Variants in ABCA6 observed in about 807,000 individuals in gnomAD.
The protein encoded by ABCA6 is ATP binding cassette subfamily A member 6, also known as ATP-binding cassette sub-family A member 6.
In ABCA6, 164 loss-of-function variants were observed where a neutral mutation model predicts 191.2. The observed-to-expected ratio is 0.86, with a 90% CI of 0.76 to 0.98. The LOEUF (loss-of-function observed/expected upper bound fraction) is 0.98, where lower values mean the gene tolerates loss of function less well. Among genes scored for constraint, ABCA6 ranks in the 50% least tolerant of loss-of-function variants. The pLI, the probability that ABCA6 is intolerant of heterozygous loss-of-function variation, is 0.00. For missense variants in ABCA6, 1,958 were observed against 1,894.1 expected (o/e 1.03, Z -0.63); for synonymous variants, 636 against 647.7 (o/e 0.98, Z 0.27).
Position 69,133,687 on chromosome 17 carries a change from ACT to A in ABCA6, c.743_744del (p.Lys248IlefsTer2). ...CCCATCATTTTCATCAAATTCTTAG[ACT>A]TTTTTCTCTCTTTTGTTACATTGAG... Reference protein sequence around the residue: ...ISLNVTKERKKSKNLMKMMGL... With the variant: ...ISLNVTKERKXSKNLMKMMGL... On this transcript the variant is annotated frameshift_variant, in exon 6 of 39. Transcript: ENST00000284425. LOFTEE classifies it high-confidence loss of function. 2 of 1,607,184 alleles carry A rather than the reference ACT, an allele frequency of 1.2e-6. No individual in the cohort carries two copies. Among genetic ancestry groups the A allele is most frequent in the Non-Finnish European group, 1.7e-6 (2 of 1,175,086 alleles).
intron 36 of ABCA6, among the ~76,000 whole-genome samples, chr17:69,082,171 T>C (rs1054576826): frequency 6.7e-6 from 1 of 148,600 alleles, no homozygotes; most frequent in Non-Finnish European, 1.5e-5. Context: ...TGTTCTGATA[T>C]CTATCTTAGA....
At chr17:69,097,024 C>T (rs1229991918) in intron 23 of ABCA6, among the ~76,000 whole-genome samples, 1 of 152,094 alleles carries the variant, frequency 6.6e-6, no homozygotes, top group African/African-American at 2.4e-5. Context: ...CTGTGATAGG[C>T]CTGACTCATA....
At chr17:69,114,732 A>T in intron 13 of ABCA6, 30 bp downstream of exon 13, 1 of 1,572,024 alleles carries the variant, frequency 6.4e-7, no homozygotes, top group Non-Finnish European at 8.6e-7. Context: ...AGTGGTTGGC[A>T]GGTCAGTTAA....
In ABCA6 at chr17:69,106,185, CTCT is replaced by C. The variant is rs1259456952; in HGVS notation, c.2413_2415del (p.Arg805del). On this transcript the variant is annotated inframe_deletion, in exon 19 of 39. Coordinates refer to ENST00000284425, the MANE Select transcript of ABCA6 (RefSeq NM_080284.3). ...TCCATTTCATTGAGGCTTTCTGAGTCTCTTATCATCTCCACTTGTTCGAAATCT... is the reference window on the plus strand; with the variant it reads ...TCCATTTCATTGAGGCTTTCTGAGTCTATCATCTCCACTTGTTCGAAATCT... 1 of 1,612,382 alleles carries C rather than the reference CTCT, an allele frequency of 6.2e-7. No homozygotes were observed.
chr17:69,123,321 C>T lies in ABCA6; in HGVS notation c.1354G>A (p.Glu452Lys). 2 of 1,578,130 alleles carry T rather than the reference C, an allele frequency of 1.3e-6. No individual in the cohort carries two copies. The highest frequency in any genetic ancestry group is 2.3e-5 in the East Asian group (1 of 44,136). Residue 452 changes from glutamate to lysine, a missense_variant, in exon 10 of 39, where the codon GAG (glutamate) becomes AAG (lysine). Physicochemically the swap from Glu to Lys is moderately conservative, Grantham distance 56 (BLOSUM62 1). Transcript: ENST00000284425. ...GGATGCTCAGCATCGATTTCTTTCT[C>T]AATAACCTTAGCATTAGTCCTTTGG... ...QHQRTNAKVIEKEIDAEHPSD... is the reference protein window; with the variant it reads ...QHQRTNAKVIKKEIDAEHPSD...
Position 69,137,278 on chromosome 17 carries a change from TGCCATGAG to T in ABCA6, c.301+10_301+17del. ...AGACATCTATCAGTAACTCTTTTTT[TGCCATGAG>T]TACACCTACCTTTCAAAAGAGGAGC... On this transcript the variant is annotated intron_variant, in intron 3 of 38. Transcript: ENST00000284425. 6.2e-7 allele frequency: 1 copy of T among 1,605,272 alleles called. No homozygotes were observed. The highest frequency in any genetic ancestry group is 8.5e-7 in the Non-Finnish European group (1 of 1,176,276).
At chr17:69,122,951 G>A (rs1400335925) in intron 10 of ABCA6, among the ~76,000 whole-genome samples, 1 of 149,346 alleles carries the variant, frequency 6.7e-6, no homozygotes, top group African/African-American at 2.5e-5. Flanking sequence ...CTCATAGGTG[G>A]GAATTGAACA....
intron 21 of ABCA6, among the ~76,000 whole-genome samples, chr17:69,102,113 A>G (rs1404780438): frequency 6.6e-6 from 1 of 152,186 alleles, no homozygotes; most frequent in East Asian, 1.9e-4. Flanking sequence ...TGGGAGGCCA[A>G]GGCGGGAGGA....
Position 69,113,744 on chromosome 17 carries a change from G to T in ABCA6, c.1783-7C>A. Reference sequence around the variant, plus strand: ...CCAATAATATTCGTTGTACCTATATGAGAAAATACGCAACTTTTAAAATCC... The same window carrying T: ...CCAATAATATTCGTTGTACCTATATTAGAAAATACGCAACTTTTAAAATCC... On this transcript the variant is annotated splice_region_variant and splice_polypyrimidine_tract_variant and intron_variant, in intron 13 of 38. Transcript: ENST00000284425. 6.2e-7 allele frequency: 1 copy of T among 1,606,372 alleles called. No individual in the cohort carries two copies. The highest frequency in any genetic ancestry group is 1.1e-5 in the South Asian group (1 of 89,466).
intron 10 of ABCA6, among the ~76,000 whole-genome samples, chr17:69,119,562 A>C (rs990739163): frequency 1.3e-5 from 2 of 151,914 alleles, no homozygotes; most frequent in East Asian, 3.9e-4. Context: ...CCTCAGAGGG[A>C]AAGTCAAGGC....
At position 69,105,504 on chromosome 17, in the gene ABCA6, G is replaced by A. The variant is rs776215451; in HGVS notation, c.2698C>T (p.Pro900Ser). 1 of 1,611,396 alleles carries A rather than the reference G, an allele frequency of 6.2e-7. No individual in the cohort carries two copies. Among genetic ancestry groups the A allele is most frequent in the South Asian group, 1.1e-5 (1 of 90,556 alleles). Residue 900 changes from proline (P) to serine (S), a missense_variant, in exon 20 of 39, where the codon CCC becomes TCC. By Grantham distance (74) the Pro-to-Ser change is moderately conservative. Coordinates refer to ENST00000284425, the MANE Select transcript of ABCA6 (RefSeq NM_080284.3). Reference sequence around the variant, plus strand: ...AACAGGCTGGTACGGGGTTCCTGGGGAAGTTGTCCAGGAGAGAGAAAATAC... The same window carrying A: ...AACAGGCTGGTACGGGGTTCCTGGGAAAGTTGTCCAGGAGAGAGAAAATAC... ...ELYFLSPGQL[P>S]QEPRTSLLII...
At position 69,134,707 on chromosome 17, in the gene ABCA6, T is replaced by C. The variant is rs537573064; in HGVS notation, c.496A>G (p.Thr166Ala). Residue 166 changes from threonine (T) to alanine (A), a missense_variant, in exon 5 of 39, where the codon ACA (threonine) becomes GCA (alanine). Coordinates refer to ENST00000284425, the MANE Select transcript of ABCA6 (RefSeq NM_080284.3). Reference protein sequence around the residue: ...CWDGYGEFSCTLTKYWNRGFV... With the variant: ...CWDGYGEFSCALTKYWNRGFV... The stretch of plus-strand genomic sequence containing the variant: ...CCTCTATTCCAGTATTTGGTCAATG[T>C]ACATGAAAACTCACCATATCCATCC... 1 of 1,613,752 alleles carries C rather than the reference T, an allele frequency of 6.2e-7. No homozygotes were observed. Among genetic ancestry groups the C allele is most frequent in the African/African-American group, 1.3e-5 (1 of 74,996 alleles).
intron 18 of ABCA6, among the ~76,000 whole-genome samples, chr17:69,107,116 C>T (rs371747143): frequency 6.6e-6 from 1 of 152,124 alleles, no homozygotes; most frequent in Non-Finnish European, 1.5e-5. Flanking sequence ...TGGGGAAAAT[C>T]ACTTAACTGC....
At chr17:69,103,495 A>AAAGGATG (rs2144652235) in intron 20 of ABCA6, among the ~76,000 whole-genome samples, 1 of 152,314 alleles carries the variant, frequency 6.6e-6, no homozygotes, top group Admixed American at 6.5e-5. Context: ...AGGAAATGAA[A>AAAGGATG]AAGGATGCCA....
At chr17:69,127,881 G>C (rs897679298) in intron 8 of ABCA6, among the ~76,000 whole-genome samples, 6 of 151,976 alleles carry the variant, frequency 3.9e-5, no homozygotes, top group Non-Finnish European at 8.8e-5. Flanking sequence ...ATAATCTATT[G>C]ATAAGAAAAT....
Position 69,096,698 on chromosome 17 carries a change from A to T in ABCA6, c.3224T>A (p.Leu1075Ter). 1 of 1,588,424 alleles carries T rather than the reference A, an allele frequency of 6.3e-7. No individual in the cohort carries two copies. Among genetic ancestry groups the T allele is most frequent in the Non-Finnish European group, 8.5e-7 (1 of 1,170,006 alleles). Residue 1075 changes from leucine to a stop codon, truncating the protein, a stop_gained, in exon 24 of 39, where the codon TTA becomes TAA. Transcript: ENST00000284425. LOFTEE classifies it high-confidence loss of function. The part of the protein sequence containing the change: ...DVSFFILILL[L>*]MYLIFYIENM... The stretch of plus-strand genomic sequence containing the variant: ...TTCTATGTAGAAAATTAAATACATT[A>T]AAAGGAGAATTAAAATGAAGAAGCT...
intron 35 of ABCA6, 85 bp downstream of exon 35, chr17:69,083,127 G>T (rs1462933071): frequency 1.3e-6 from 2 of 1,567,042 alleles, no homozygotes; most frequent in East Asian, 4.5e-5. Flanking sequence ...AAACGGAAGG[G>T]CTCCAGCCAC....
chr17:69,085,079 T>A lies in ABCA6; in HGVS notation c.4133A>T (p.Tyr1378Phe). The A allele has an allele frequency of 6.2e-7, 1 of 1,613,780 alleles. No homozygotes were observed. The highest frequency in any genetic ancestry group is 8.5e-7 in the Non-Finnish European group (1 of 1,179,904). The change falls in exon 32 of 39, where the codon TAT (tyrosine) becomes TTT (phenylalanine). Residue 1378 changes from tyrosine to phenylalanine, a missense_variant. By Grantham distance (22) the Tyr-to-Phe change is conservative. Coordinates refer to ENST00000284425, the MANE Select transcript of ABCA6 (RefSeq NM_080284.3). ...TTTCCTGAGCCCCTTGACGGCAGCA[T>A]ACACCTCCAGGTGTTCCCTCAACGT... ...MLTLREHLEV[Y>F]AAVKGLRKAD...
intron 17 of ABCA6, chr17:69,110,025 T>G (rs1450327216): frequency 6.6e-6 from 1 of 152,234 alleles, no homozygotes; most frequent in African/African-American, 2.4e-5. Context: ...CTACTTTTGC[T>G]GTTGCACCTC....
Sources: gnomAD v4.1 joint callset for allele counts (sites outside exome capture counted in the v4.1 genomes callset) on GRCh38, gnomAD v4.1.1 for gene constraint, MANE v1.5 for transcripts, NCBI Gene and HGNC (gene_info 2026-07-23, HGNC 2026-07-21) for gene names.